CFH: variants seen among roughly 807,000 people sequenced by gnomAD.
CFH encodes the protein H factor 1 (complement).
CFH carries 53 observed loss-of-function variants against 147.3 expected under a neutral mutation model. That is an observed-to-expected ratio of 0.36 (90% CI 0.29 to 0.45). CFH has a LOEUF of 0.45. Ranked by LOEUF, CFH falls within the 20% of genes least tolerant of loss-of-function variation. CFH has a pLI of 1.00. For missense variants in CFH, 1,380 were observed against 1,498.0 expected (o/e 0.92, Z 1.30); for synonymous variants, 536 against 489.4 (o/e 1.10, Z -1.26).
At chr1:196,683,627 G>A (rs2149084456) in intron 6 of CFH, among the ~76,000 whole-genome samples, 1 of 151,534 alleles carries the variant, frequency 6.6e-6, no homozygotes, top group Non-Finnish European at 1.5e-5. Flanking sequence ...AAGAGGGAAG[G>A]AATAAACAAT....
chr1:196,705,741 G>A (rs532112235), intron 9 of CFH, among the ~76,000 whole-genome samples: 1 of 152,206 alleles, frequency 6.6e-6, no homozygotes, highest in Non-Finnish European at 1.5e-5. Flanking sequence ...TTCTCCAGGA[G>A]GCAGAAGAGT....
At position 196,741,877 on chromosome 1, in the gene CFH, A is replaced by G; in HGVS notation, c.2959A>G (p.Thr987Ala). ...KWSHPPSCIK[T>A]DCLSLPSFEN... is the part of the protein sequence containing the mutation. ...AATACATATTTTTCCTATTTCAGAAACAGATTGTCTCAGTTTACCTAGCTT... is the reference window on the plus strand; with the variant it reads ...AATACATATTTTTCCTATTTCAGAAGCAGATTGTCTCAGTTTACCTAGCTT... Residue 987 changes from threonine to alanine, a missense_variant and splice_region_variant, in exon 19 of 22, where the codon ACA (threonine) becomes GCA (alanine). Transcript: ENST00000367429. 6.2e-7 allele frequency: 1 copy of G among 1,614,052 alleles called. No individual in the cohort carries two copies. Among genetic ancestry groups the G allele is most frequent in the Non-Finnish European group, 8.5e-7 (1 of 1,179,932 alleles).
chr1:196,684,974 A>T (rs895459156), intron 6 of CFH, 90 bp from the exon 7 acceptor site: 23 of 1,017,478 alleles, frequency 2.3e-5, no homozygotes, highest in Non-Finnish European at 3.0e-5. Context: ...AAGGACAAAT[A>T]AATAACACCC....
intron 7 of CFH, 27 bp from the exon 8 acceptor site, chr1:196,689,393 T>C (rs1667946947): frequency 1.3e-6 from 2 of 1,593,854 alleles, no homozygotes; most frequent in Non-Finnish European, 1.7e-6. Flanking sequence ...AATTTCTTTA[T>C]ACTTTTTTTA....
In CFH at chr1:196,673,843, T is replaced by TTC. The variant is rs771198133; in HGVS notation, c.245-13_245-12insCT. On this transcript the variant is annotated splice_polypyrimidine_tract_variant and intron_variant, in intron 2 of 21. Coordinates refer to ENST00000367429, the MANE Select transcript of CFH (RefSeq NM_000186.4). ...CTATTACATACTAATTCATAACTTT[T>TTC]TTTTTCGTTTTAGAAAGGCCCTGTG... The TTC allele has an allele frequency of 1.3e-4, 199 of 1,559,740 alleles. No individual in the cohort carries two copies. The highest frequency in any genetic ancestry group is 1.2e-4 in the Non-Finnish European group (138 of 1,130,860).
rs1367539271 is a variant in CFH, at chr1:196,678,213, T to A, written c.619+546T>A. 1.9e-5 allele frequency: 3 copies of A among 158,334 alleles called. No homozygotes were observed. The East Asian group carries it at 5.5e-4, about 29-fold the overall frequency. The allele number at this position is 158,334 out of a possible 1,614,324, so 9.8% of individuals were successfully genotyped here. Reference sequence around the variant, plus strand: ...ATTTGTACTGCAAGTTTACTATAAATGTTGCTGAATTGAACAGAATCCACT... The same window carrying A: ...ATTTGTACTGCAAGTTTACTATAAAAGTTGCTGAATTGAACAGAATCCACT... On this transcript the variant is annotated intron_variant, in intron 5 of 21. Coordinates refer to ENST00000367429, the MANE Select transcript of CFH (RefSeq NM_000186.4).
intron 9 of CFH, among the ~76,000 whole-genome samples, chr1:196,707,839 TTTG>T (rs1192131842): frequency 3.3e-5 from 5 of 152,202 alleles, no homozygotes; most frequent in Non-Finnish European, 5.9e-5. Context: ...AACAGGAATG[TTTG>T]TTATTATAAT....
At chr1:196,707,883 T>C (rs557992857) in intron 9 of CFH, among the ~76,000 whole-genome samples, 3 of 152,354 alleles carry the variant, frequency 2.0e-5, no homozygotes, top group African/African-American at 7.2e-5. Context: ...GATACCTTCC[T>C]GTCTATTCCC....
chr1:196,672,962 T>C lies in CFH; in HGVS notation c.59-16T>C, dbSNP rs201067374. On this transcript the variant is annotated splice_polypyrimidine_tract_variant and intron_variant, in intron 1 of 21. Coordinates refer to ENST00000367429, the MANE Select transcript of CFH (RefSeq NM_000186.4). ...ATAGACACTTTATGCACTTATTTTG[T>C]TTTTATTGTTTGTAGATTGCAATGA... is the stretch of plus-strand genomic sequence containing the variant. The C allele has an allele frequency of 4.6e-5, 74 of 1,609,866 alleles. No homozygotes were observed. Among genetic ancestry groups the C allele is most frequent in the Non-Finnish European group, 6.2e-5 (73 of 1,176,614 alleles).
intron 9 of CFH, among the ~76,000 whole-genome samples, chr1:196,702,579 G>C (rs1454444391): frequency 1.3e-5 from 2 of 149,848 alleles, no homozygotes; most frequent in Non-Finnish European, 3.0e-5. Flanking sequence ...CTCTGTATTT[G>C]CCACACAGAA....
rs535720870 is a variant in CFH, at chr1:196,737,251, TG to T, written c.2597-223del. Among the ~76,000 whole-genome samples, 647 of 152,326 alleles carry T rather than the reference TG, an allele frequency of 4.2e-3. 3 individuals carry two copies. Among genetic ancestry groups the T allele is most frequent in the Non-Finnish European group, 7.5e-3 (508 of 68,010 alleles). ...TTCCATTCATGCATATTTTAATCCT[TG>T]TGATGAACAAGACATGAATGAAGAT... On this transcript the variant is annotated intron_variant, in intron 16 of 21. Coordinates refer to ENST00000367429, the MANE Select transcript of CFH (RefSeq NM_000186.4).
chr1:196,662,808 G>T (rs552012870), intron 1 of CFH, among the ~76,000 whole-genome samples: 80 of 152,054 alleles, frequency 5.3e-4, no homozygotes, highest in Admixed American at 8.5e-4. Flanking sequence ...TTGAGCCCAG[G>T]GGGTCAGGGT....
At chr1:196,716,029 G>A (rs1187135730) in intron 11 of CFH, among the ~76,000 whole-genome samples, 1 of 152,006 alleles carries the variant, frequency 6.6e-6, no homozygotes, top group African/African-American at 2.4e-5. Context: ...CTAAATAAAA[G>A]CTTTCAAATT....
intron 9 of CFH, among the ~76,000 whole-genome samples, chr1:196,707,268 A>G (rs1318636807): frequency 6.6e-6 from 1 of 152,234 alleles, no homozygotes; most frequent in Non-Finnish European, 1.5e-5. Flanking sequence ...AAGTGGGCTT[A>G]AATTAAGCCC....
At chr1:196,712,752 G>T (rs1182800679) in intron 9 of CFH, among the ~76,000 whole-genome samples, 1 of 143,810 alleles carries the variant, frequency 7.0e-6, no homozygotes, top group Non-Finnish European at 1.5e-5. Flanking sequence ...ATCTCCTAAT[G>T]CTATCCCTCC....
chr1:196,734,101 CA>C (rs1045480683), intron 15 of CFH, among the ~76,000 whole-genome samples: 12 of 151,948 alleles, frequency 7.9e-5, no homozygotes, highest in African/African-American at 2.7e-4. Flanking sequence ...ATGTGAGATC[CA>C]AAAACTTCTC....
intron 4 of CFH, chr1:196,676,842 TAAAAAC>T (rs1667474026): frequency 6.6e-6 from 1 of 152,232 alleles, no homozygotes; most frequent in Non-Finnish European, 1.5e-5. Flanking sequence ...GGATGCTTGT[TAAAAAC>T]TAAAATCTTT....
rs367842041 is a variant in CFH at position 196,670,915 on chromosome 1, ATT to A, written c.59-2062_59-2061del. 2.6e-3 allele frequency among the ~76,000 whole-genome samples: 400 copies of A among 152,252 alleles called. 2 individuals are homozygous for A. Among genetic ancestry groups the A allele is most frequent in the East Asian group, 0.013 (67 of 5,176 alleles). On this transcript the variant is annotated intron_variant, in intron 1 of 21. Transcript: ENST00000367429. Reference sequence around the variant, plus strand: ...GTTCATTTTCTTCTCTATTGTTAGAATTCCAATTAAACATGTTTTATAACTTG... The same window carrying A: ...GTTCATTTTCTTCTCTATTGTTAGAACCAATTAAACATGTTTTATAACTTG...
intron 11 of CFH, among the ~76,000 whole-genome samples, chr1:196,719,365 A>G (rs896166207): frequency 6.6e-6 from 1 of 151,986 alleles, no homozygotes; most frequent in Admixed American, 6.6e-5. Context: ...TACAAAAAAA[A>G]GAATTGCTAT....
Sources: gnomAD v4.1 joint callset for allele counts (sites outside exome capture counted in the v4.1 genomes callset) on GRCh38, gnomAD v4.1.1 for gene constraint, MANE v1.5 for transcripts, NCBI Gene and HGNC (gene_info 2026-07-23, HGNC 2026-07-21) for gene names.